The following THSD7B variants were observed in gnomAD, a reference collection of about 807,000 sequenced individuals.
THSD7B encodes the protein thrombospondin type-1 domain-containing protein 7B.
THSD7B carries 138 observed loss-of-function variants against 213.6 expected under a neutral mutation model. The observed-to-expected ratio is 0.65, with a 90% CI of 0.56 to 0.74. THSD7B has a LOEUF of 0.74. Among genes scored for constraint, THSD7B ranks in the 30% least tolerant of loss-of-function variants. The pLI is 0.00. For synonymous variants in THSD7B, 742 were observed against 687.0 expected (o/e 1.08, Z -1.25); for missense variants, 1,931 against 1,991.5 (o/e 0.97, Z 0.58).
chr2:137,117,302 C>T (rs2104940590), intron 5 of THSD7B, among the ~76,000 whole-genome samples: 1 of 152,220 alleles, frequency 6.6e-6, no homozygotes, highest in East Asian at 1.9e-4. Context: ...TTCTTCTTGG[C>T]CCCCATTAAA....
intron 2 of THSD7B, among the ~76,000 whole-genome samples, chr2:137,036,554 G>A (rs955521963): frequency 2.0e-5 from 3 of 152,026 alleles, no homozygotes; most frequent in Non-Finnish European, 4.4e-5. Context: ...AATATAAAAA[G>A]ACATACCTGT....
intron 11 of THSD7B, among the ~76,000 whole-genome samples, chr2:137,273,948 A>T (rs1682810848): frequency 6.6e-6 from 1 of 152,118 alleles, no homozygotes; most frequent in Non-Finnish European, 1.5e-5. Flanking sequence ...GGGTTGTTAT[A>T]ATCAGATAAA....
At position 137,239,870 on chromosome 2, in the gene THSD7B, C is replaced by G. The variant is rs761626892; in HGVS notation, c.2151-2587C>G. Among the ~76,000 whole-genome samples the G allele has an allele frequency of 1.1e-4, 16 of 152,324 alleles. 1 individual carries two copies. The highest frequency in any genetic ancestry group is 4.1e-4 in the South Asian group (2 of 4,834). ...TGAAAGTCCGTGATCAGGGTGACCT[C>G]ATGGTTGAATTCCAGGAAAAGCCCT... On this transcript the variant is annotated intron_variant, in intron 9 of 27. Transcript: ENST00000409968.
At chr2:137,575,688 G>GT in intron 17 of THSD7B, among the ~76,000 whole-genome samples, 1 of 142,994 alleles carries the variant, frequency 7.0e-6, no homozygotes, top group South Asian at 2.3e-4. Flanking sequence ...TGTTTCCTTT[G>GT]TTTTATGTTC....
At chr2:137,656,574 TAAC>T (rs1683240165) in intron 22 of THSD7B, among the ~76,000 whole-genome samples, 1 of 152,226 alleles carries the variant, frequency 6.6e-6, no homozygotes. Flanking sequence ...AGCAAAGTAA[TAAC>T]AATCTAGTTT....
At chr2:136,922,345 C>A (rs1684449981) in intron 2 of THSD7B, among the ~76,000 whole-genome samples, 1 of 152,180 alleles carries the variant, frequency 6.6e-6, no homozygotes, top group Non-Finnish European at 1.5e-5. Context: ...TCCTGCATAT[C>A]CTTCCCTTGA....
At chr2:137,081,744 C>A (rs1480116272) in intron 3 of THSD7B, among the ~76,000 whole-genome samples, 1 of 151,982 alleles carries the variant, frequency 6.6e-6, no homozygotes, top group Non-Finnish European at 1.5e-5. Context: ...CATTTTCTGG[C>A]TTTTATTGCA....
intron 20 of THSD7B, among the ~76,000 whole-genome samples, chr2:137,629,761 A>G (rs1682705384): frequency 6.6e-6 from 1 of 152,178 alleles, no homozygotes; most frequent in Non-Finnish European, 1.5e-5. Flanking sequence ...GCATATAAGT[A>G]TGGCATCAGT....
intron 26 of THSD7B, among the ~76,000 whole-genome samples, chr2:137,666,907 TCAGATC>T (rs1341501836): frequency 6.6e-6 from 1 of 152,112 alleles, no homozygotes; most frequent in African/African-American, 2.4e-5. Flanking sequence ...GTAGTAGATA[TCAGATC>T]CAGAATAATG....
Position 137,603,450 on chromosome 2 carries a change from G to A in THSD7B, c.3424-12725G>A, listed in dbSNP as rs1682113385. Reference sequence around the variant, plus strand: ...TTCTTTGTAGGATGGTTTTGACATTGGAACACCCAGATCATTGAACAGTGT... The same window carrying A: ...TTCTTTGTAGGATGGTTTTGACATTAGAACACCCAGATCATTGAACAGTGT... On this transcript the variant is annotated intron_variant, in intron 17 of 27. Coordinates refer to ENST00000409968, the MANE Select transcript of THSD7B (RefSeq NM_001316349.2). 3.9e-5 allele frequency among the ~76,000 whole-genome samples: 6 copies of A among 152,184 alleles called. No homozygotes were observed. In the South Asian group the frequency reaches 1.2e-3, roughly 32 times the overall value.
At chr2:137,617,247 AAC>A (rs1682404494) in intron 18 of THSD7B, among the ~76,000 whole-genome samples, 1 of 152,188 alleles carries the variant, frequency 6.6e-6, no homozygotes, top group Non-Finnish European at 1.5e-5. Flanking sequence ...ATATCTTTGA[AAC>A]ACTGATTTTA....
rs201466142 is a variant in THSD7B, at chr2:137,170,777, C to G, written c.1562C>G (p.Ser521Cys). The G allele has an allele frequency of 5.5e-5, 89 of 1,613,676 alleles. No homozygotes were observed. Among genetic ancestry groups the G allele is most frequent in the Non-Finnish European group, 6.8e-5 (80 of 1,179,722 alleles). Residue 521 changes from serine to cysteine, a missense_variant, in exon 7 of 28, where the codon TCT (serine) becomes TGT (cysteine). By Grantham distance (112) the Ser-to-Cys change is moderately radical. Transcript: ENST00000409968. ...RTRQRHVLME[S>C]TGPAGHCPHL... ...AGGCAGCGCCATGTCCTCATGGAAT[C>G]TACAGGGCCTGCAGGGCATTGCCCT...
intron 10 of THSD7B, among the ~76,000 whole-genome samples, chr2:137,250,060 C>T (rs764772461): frequency 3.9e-5 from 6 of 152,184 alleles, no homozygotes; most frequent in Non-Finnish European, 7.4e-5. Flanking sequence ...AGTGTTTAAA[C>T]TTGCTACATT....
intron 4 of THSD7B, among the ~76,000 whole-genome samples, chr2:137,104,073 A>G (rs1688200844): frequency 1.3e-5 from 2 of 151,894 alleles, no homozygotes; most frequent in African/African-American, 4.9e-5. Context: ...AATCAACAGA[A>G]TATACATTCT....
chr2:136,990,882 A>G, intron 2 of THSD7B: 4 of 1,343,402 alleles, frequency 3.0e-6, no homozygotes, highest in Non-Finnish European at 4.0e-6. Context: ...AAATATTCAG[A>G]GGCGAAACGA....
At chr2:137,067,695 A>T (rs1687406980) in intron 3 of THSD7B, among the ~76,000 whole-genome samples, 1 of 152,094 alleles carries the variant, frequency 6.6e-6, no homozygotes, top group South Asian at 2.1e-4. Flanking sequence ...CAGGAAGGCT[A>T]GAAGGGTATA....
intron 7 of THSD7B, among the ~76,000 whole-genome samples, chr2:137,191,721 G>A (rs1176391652): frequency 6.6e-6 from 1 of 151,984 alleles, no homozygotes; most frequent in Non-Finnish European, 1.5e-5. Context: ...CCCCTCATTT[G>A]TTTGAGTATC....
At chr2:137,091,759 C>T (rs974772138) in intron 3 of THSD7B, among the ~76,000 whole-genome samples, 1 of 152,116 alleles carries the variant, frequency 6.6e-6, no homozygotes, top group African/African-American at 2.4e-5. Flanking sequence ...TCTTTAGTCA[C>T]TCTATCTCCA....
chr2:137,656,757 CA>C, intron 22 of THSD7B, 38 bp from the exon 23 acceptor site: 1 of 1,575,776 alleles, frequency 6.3e-7, no homozygotes, highest in Non-Finnish European at 8.6e-7. Flanking sequence ...TGCCACTTTT[CA>C]TGCTGTTTTC....
Sources: allele counts gnomAD v4.1 joint callset (sites outside exome capture counted in the v4.1 genomes callset), GRCh38; gene constraint gnomAD v4.1.1; transcripts MANE v1.5; gene names NCBI Gene and HGNC (gene_info 2026-07-23, HGNC 2026-07-21).